TXNL4B: variants seen among roughly 807,000 people sequenced by gnomAD.
TXNL4B encodes the protein thioredoxin like 4B.
A neutral mutation model predicts 13.0 loss-of-function variants in TXNL4B; 12 were observed. The ratio of observed to expected loss-of-function variants is 0.92; its 90% CI spans 0.59 to 1.49. TXNL4B has a LOEUF of 1.49. Among genes scored for constraint, TXNL4B ranks in the 40% most tolerant of loss-of-function variants. TXNL4B has a pLI of 0.00. For synonymous variants in TXNL4B, 59 were observed against 58.9 expected, an observed-to-expected ratio of 1.00 and a Z score of -0.01; for missense variants, 214 against 173.6, an observed-to-expected ratio of 1.23 and a Z score of -1.31.
chr16:72,090,913 A>C, intron 1 of TXNL4B, 127 bp from the exon 2 acceptor site: 1 of 753,608 alleles, frequency 1.3e-6, no homozygotes, highest in Non-Finnish European at 2.1e-6. Context: ...GAAAGGTAAC[A>C]CTGTGGAGTT....
At chr16:72,088,919 A>C in intron 3 of TXNL4B, 68 bp downstream of exon 3, 1 of 1,274,446 alleles carries the variant, frequency 7.8e-7, no homozygotes, top group South Asian at 1.4e-5. Flanking sequence ...GGAAATAGGC[A>C]AGCTACTGAA....
At chr16:72,088,879 G>T in intron 3 of TXNL4B, 108 bp downstream of exon 3, 1 of 813,378 alleles carries the variant, frequency 1.2e-6, no homozygotes, top group Non-Finnish European at 2.0e-6. Context: ...AAACAGTACT[G>T]ATATAAGACT....
At position 72,086,954 on chromosome 16, in the gene TXNL4B, A is replaced by AT. The variant is rs1227566963; in HGVS notation, c.285-153dup. ...AAAGCCCAACATTAATTTTTCAATCATTTTTTTCCATTTAGTAAATGACTC... is the reference window on the plus strand; with the variant it reads ...AAAGCCCAACATTAATTTTTCAATCATTTTTTTTCCATTTAGTAAATGACTC... On this transcript the variant is annotated intron_variant, in intron 3 of 3. Coordinates refer to ENST00000268483, the MANE Select transcript of TXNL4B (RefSeq NM_017853.3). 2.8e-5 allele frequency: 18 copies of AT among 641,970 alleles called. No individual in the cohort carries two copies. The African/African-American group carries it at 2.9e-4, about 10-fold the overall frequency. 39.8% of individuals were successfully genotyped at this position (641,970 alleles called of 1,614,324 possible).
At chr16:72,091,345 C>A (rs2041902046) in intron 1 of TXNL4B, among the ~76,000 whole-genome samples, 1 of 147,116 alleles carries the variant, frequency 6.8e-6, no homozygotes, top group African/African-American at 2.7e-5. Flanking sequence ...GGGCAGCCTG[C>A]TGTTAGGTGT....
chr16:72,090,150 G>A (rs1279112960), intron 2 of TXNL4B: 1 of 455,968 alleles, frequency 2.2e-6, no homozygotes, highest in Non-Finnish European at 4.4e-6. Context: ...GTCTCTCTCT[G>A]CATCAGGCAC....
At chr16:72,089,514 T>C (rs1273575034) in intron 2 of TXNL4B, among the ~76,000 whole-genome samples, 1 of 152,206 alleles carries the variant, frequency 6.6e-6, no homozygotes, top group Non-Finnish European at 1.5e-5. Context: ...CCATTTCTAC[T>C]GCTGCCATCC....
intron 2 of TXNL4B, among the ~76,000 whole-genome samples, 191 bp downstream of exon 2, chr16:72,090,427 T>C (rs1042818105): frequency 6.6e-6 from 1 of 152,200 alleles, no homozygotes; most frequent in Non-Finnish European, 1.5e-5. Context: ...GGTAAGGACA[T>C]CCAAGACAGA....
chr16:72,089,046 G>C lies in TXNL4B; in HGVS notation c.225C>G (p.Ile75Met). Residue 75 changes from isoleucine to methionine, a missense_variant, in exon 3 of 4, where the codon ATC becomes ATG. Coordinates refer to ENST00000268483, the MANE Select transcript of TXNL4B (RefSeq NM_017853.3). The part of the protein sequence containing the change: ...QTAVYTQYFD[I>M]SYIPSTVFFF... The stretch of plus-strand genomic sequence containing the variant: ...AAAAGACAGTAGATGGAATATAACT[G>C]ATGTCAAAATACTGTGTATAAACTG... 2 of 1,611,618 alleles carry C rather than the reference G, an allele frequency of 1.2e-6. No individual in the cohort carries two copies. Among genetic ancestry groups the C allele is most frequent in the South Asian group, 1.1e-5 (1 of 90,938 alleles).
rs2041953057 is a variant in TXNL4B at position 72,093,521 on chromosome 16, G to C, written c.-192C>G. The C allele has an allele frequency of 6.6e-6, 1 of 152,306 alleles. No individual in the cohort carries two copies. Among genetic ancestry groups the C allele is most frequent in the Non-Finnish European group, 1.5e-5 (1 of 68,102 alleles). 9.4% of individuals were successfully genotyped at this position (152,306 alleles called of 1,614,324 possible). On this transcript the variant is annotated 5_prime_UTR_variant, in exon 1 of 4. Coordinates refer to ENST00000268483, the MANE Select transcript of TXNL4B (RefSeq NM_017853.3). ...CAGGGGCTGTTGCCTAGCAACCCTC[G>C]TGGCCCCGCTAGCGGGAAGGAAACC...
chr16:72,089,463 T>C (rs1191370643), intron 2 of TXNL4B, among the ~76,000 whole-genome samples: 3 of 152,132 alleles, frequency 2.0e-5, no homozygotes, highest in East Asian at 3.9e-4. Flanking sequence ...TGTCTATTCA[T>C]TGTGGAGAGA....
At position 72,084,958 on chromosome 16, in the gene TXNL4B, C is replaced by T. The variant is rs894272419; in HGVS notation, c.*1679G>A. The T allele has an allele frequency of 2.5e-6, 1 of 398,544 alleles. No individual in the cohort carries two copies. The highest frequency in any genetic ancestry group is 4.4e-6 in the Non-Finnish European group (1 of 226,038). 24.7% of individuals were successfully genotyped at this position (398,544 alleles called of 1,614,324 possible). A position where few individuals can be genotyped will look rare whatever the true frequency, so the allele number is the denominator to read the frequency against. On this transcript the variant is annotated 3_prime_UTR_variant, in exon 4 of 4. Coordinates refer to ENST00000268483, the MANE Select transcript of TXNL4B (RefSeq NM_017853.3). The stretch of plus-strand genomic sequence containing the variant: ...CATCAGAGATTGGGCTCTTTTTGTT[C>T]TTCTTAGCATATCGATGTTTTACGT...
intron 3 of TXNL4B, among the ~76,000 whole-genome samples, chr16:72,087,072 A>G (rs1367364226): frequency 1.3e-5 from 2 of 152,178 alleles, no homozygotes; most frequent in East Asian, 1.9e-4. Flanking sequence ...TATTTTTATC[A>G]CTTCTCAAAT....
rs2041805010 is a variant in TXNL4B, at chr16:72,085,156, C to G, written c.*1481G>C. 1 of 397,014 alleles carries G rather than the reference C, an allele frequency of 2.5e-6. No homozygotes were observed. The highest frequency in any genetic ancestry group is 4.4e-6 in the Non-Finnish European group (1 of 225,732). The allele number at this position is 397,014 out of a possible 1,614,324, so 24.6% of individuals were successfully genotyped here. A position where few individuals can be genotyped will look rare whatever the true frequency, so the allele number is the denominator to read the frequency against. On this transcript the variant is annotated 3_prime_UTR_variant, in exon 4 of 4. Transcript: ENST00000268483. ...TTATCAGCAGGGATACAAGCAGTGCCTGGCAGCCTTCCCTCTCTCCTGTAT... is the reference window on the plus strand; with the variant it reads ...TTATCAGCAGGGATACAAGCAGTGCGTGGCAGCCTTCCCTCTCTCCTGTAT...
intron 1 of TXNL4B, among the ~76,000 whole-genome samples, chr16:72,091,132 T>C (rs1293132941): frequency 2.0e-5 from 3 of 152,180 alleles, no homozygotes; most frequent in Non-Finnish European, 2.9e-5. Flanking sequence ...AGGAAAGCGA[T>C]GACACTCTCA....
In TXNL4B at chr16:72,085,329, G is replaced by T. The variant is rs115558487; in HGVS notation, c.*1308C>A. The T allele has an allele frequency of 0.025, 6,606 of 264,914 alleles. 374 individuals carry two copies. The highest frequency in any genetic ancestry group is 0.13 in the African/African-American group (6,082 of 45,660). 16.4% of individuals were successfully genotyped at this position (264,914 alleles called of 1,614,324 possible). On this transcript the variant is annotated 3_prime_UTR_variant, in exon 4 of 4. Transcript: ENST00000268483. ...GAGGTGGTCAGCGGCTGCTAGGCAG[G>T]TCACAAGCTGCCTCACCCATGGCTC...
Position 72,089,125 on chromosome 16 carries a change from G to A in TXNL4B, c.146C>T (p.Ser49Phe). The change falls in exon 3 of 4, where the codon TCT (serine) becomes TTT (phenylalanine). Residue 49 changes from serine (S) to phenylalanine (F), a missense_variant. By Grantham distance (155) the Ser-to-Phe change is radical. Transcript: ENST00000268483. Reference protein sequence around the residue: ...LQLDDILSKTSSDLSKMAAIY... With the variant: ...LQLDDILSKTFSDLSKMAAIY... ...AGCAGCCATTTTACTTAAGTCAGAAGAGGTCTTAGAAAGCTGCAAATGACG... is the reference window on the plus strand; with the variant it reads ...AGCAGCCATTTTACTTAAGTCAGAAAAGGTCTTAGAAAGCTGCAAATGACG... 6.2e-7 allele frequency: 1 copy of A among 1,611,288 alleles called. No individual in the cohort carries two copies. Among genetic ancestry groups the A allele is most frequent in the Non-Finnish European group, 8.5e-7 (1 of 1,178,322 alleles).
chr16:72,089,145 A>G lies in TXNL4B; in HGVS notation c.133-7T>C. On this transcript the variant is annotated splice_polypyrimidine_tract_variant and splice_region_variant and intron_variant, in intron 2 of 3. Coordinates refer to ENST00000268483, the MANE Select transcript of TXNL4B (RefSeq NM_017853.3). ...CAGAAGAGGTCTTAGAAAGCTGCAA[A>G]TGACGAGAGAGACAAAGGTTACAAT... is the stretch of plus-strand genomic sequence containing the variant. 2 of 1,604,522 alleles carry G rather than the reference A, an allele frequency of 1.2e-6. No homozygotes were observed. The highest frequency in any genetic ancestry group is 1.7e-6 in the Non-Finnish European group (2 of 1,173,730).
At chr16:72,090,398 G>A (rs1399217752) in intron 2 of TXNL4B, among the ~76,000 whole-genome samples, 1 of 152,130 alleles carries the variant, frequency 6.6e-6, no homozygotes, top group African/African-American at 2.4e-5. Context: ...TGGTGAAACA[G>A]CATTGACAGC....
rs1307490795 is a variant in TXNL4B, at chr16:72,093,557, C to A, written c.-228G>T. 2.6e-5 allele frequency: 4 copies of A among 152,348 alleles called. No individual in the cohort carries two copies. Among genetic ancestry groups the A allele is most frequent in the African/African-American group, 9.6e-5 (4 of 41,468 alleles). 9.4% of individuals were successfully genotyped at this position (152,348 alleles called of 1,614,324 possible). A position where few individuals can be genotyped will look rare whatever the true frequency, so the allele number is the denominator to read the frequency against. On this transcript the variant is annotated 5_prime_UTR_variant, in exon 1 of 4. Transcript: ENST00000268483. ...AGCGGGAAGGAAACCGAACAGAAAA[C>A]GCACAAGCGCAGAAAAGAAACTCCT...
Sources: allele counts gnomAD v4.1 joint callset (sites outside exome capture counted in the v4.1 genomes callset), GRCh38; gene constraint gnomAD v4.1.1; transcripts MANE v1.5; gene names NCBI Gene and HGNC (gene_info 2026-07-23, HGNC 2026-07-21).